ARHGEF33: variants seen among roughly 807,000 people sequenced by gnomAD.
The protein encoded by ARHGEF33 is DH and coiled-coil domain-containing protein ENSP00000381780.
ARHGEF33 carries 72 observed loss-of-function variants against 101.9 expected under a neutral mutation model. The ratio of observed to expected loss-of-function variants is 0.71; its 90% CI spans 0.58 to 0.86. The LOEUF is 0.86. ARHGEF33 is among the 40% of genes least tolerant of loss of function. The pLI is 0.00. For missense variants in ARHGEF33, 1,169 were observed against 1,111.3 expected (o/e 1.05, Z -0.74); for synonymous variants, 499 against 442.5 (o/e 1.13, Z -1.60).
chr2:38,902,100 G>A (rs1277245869), intron 2 of ARHGEF33, among the ~76,000 whole-genome samples: 1 of 147,386 alleles, frequency 6.8e-6, no homozygotes, highest in Non-Finnish European at 1.5e-5. Context: ...GGGTGACAGA[G>A]CAGCCTGGGT....
At chr2:38,938,112 C>A (rs536936210) in intron 9 of ARHGEF33, among the ~76,000 whole-genome samples, 1 of 152,084 alleles carries the variant, frequency 6.6e-6, no homozygotes, top group Non-Finnish European at 1.5e-5. Context: ...TGAAGAAGAG[C>A]GCCAACAACT....
At chr2:38,923,633 C>T (rs1010598566) in intron 4 of ARHGEF33, among the ~76,000 whole-genome samples, 1 of 152,036 alleles carries the variant, frequency 6.6e-6, no homozygotes, top group African/African-American at 2.4e-5. Context: ...AATACATATT[C>T]AATAAATATG....
At position 38,896,181 on chromosome 2, in the gene ARHGEF33, C is replaced by T. The variant is rs370511244; in HGVS notation, c.-86+332C>T. Among the ~76,000 whole-genome samples the T allele has an allele frequency of 3.9e-5, 6 of 152,154 alleles. No individual in the cohort carries two copies. In the East Asian group the frequency reaches 9.6e-4, roughly 24 times the overall value. ...GTTTTGAGATAGAGTCTTGCTCTGT[C>T]GCCCAGTAGTGCAGTGGTGTGATCT... is the stretch of plus-strand genomic sequence containing the variant. On this transcript the variant is annotated intron_variant, in intron 2 of 17. Coordinates refer to ENST00000409978, the MANE Select transcript of ARHGEF33 (RefSeq NM_001145451.5).
chr2:38,963,047 G>A (rs1667980966), intron 16 of ARHGEF33, among the ~76,000 whole-genome samples: 1 of 150,768 alleles, frequency 6.6e-6, no homozygotes, highest in Admixed American at 6.6e-5. Context: ...AAAAGGCCCT[G>A]GTTATTAGAA....
intron 11 of ARHGEF33, 76 bp from the exon 12 acceptor site, chr2:38,953,086 A>G (rs745624676): frequency 4.3e-5 from 31 of 721,800 alleles, no homozygotes; most frequent in Non-Finnish European, 7.2e-5. Flanking sequence ...CTCTTCTTTT[A>G]CATATATGAC....
At chr2:38,907,410 G>A (rs1666416026) in intron 2 of ARHGEF33, among the ~76,000 whole-genome samples, 1 of 152,098 alleles carries the variant, frequency 6.6e-6, no homozygotes, top group Admixed American at 6.6e-5. Context: ...GCTCCAAATT[G>A]GATGTCATTT....
chr2:38,909,127 T>A (rs1666455898), intron 2 of ARHGEF33, among the ~76,000 whole-genome samples: 1 of 152,044 alleles, frequency 6.6e-6, no homozygotes, highest in Admixed American at 6.6e-5. Context: ...ATGAAGGCAG[T>A]TAACTAAGGA....
chr2:38,891,236 A>C (rs1171192464), intron 1 of ARHGEF33, among the ~76,000 whole-genome samples: 2 of 152,012 alleles, frequency 1.3e-5, no homozygotes, highest in Non-Finnish European at 2.9e-5. Context: ...GCTCGGCCTT[A>C]TTGTTAACTT....
intron 2 of ARHGEF33, among the ~76,000 whole-genome samples, chr2:38,903,070 G>T (rs1572739893): frequency 6.6e-6 from 1 of 152,120 alleles, no homozygotes; most frequent in Non-Finnish European, 1.5e-5. Context: ...ATAGCTTGAG[G>T]TTCAACCTAG....
In ARHGEF33 at chr2:38,953,153, G is replaced by C. The variant is rs372443685; in HGVS notation, c.1054-9G>C. 17 of 1,400,052 alleles carry C rather than the reference G, an allele frequency of 1.2e-5. No individual in the cohort carries two copies. The African/African-American group carries it at 1.9e-4, about 15-fold the overall frequency. 86.7% of individuals were successfully genotyped at this position (1,400,052 alleles called of 1,614,324 possible). The stretch of plus-strand genomic sequence containing the variant: ...GTTCTTACCATGCATTTTTGTGTTT[G>C]TTTTAAAGAATAATTTCTTGGATTA... On this transcript the variant is annotated splice_polypyrimidine_tract_variant and intron_variant, in intron 11 of 17. Coordinates refer to ENST00000409978, the MANE Select transcript of ARHGEF33 (RefSeq NM_001145451.5).
At chr2:38,955,584 C>G (rs1667720302) in intron 13 of ARHGEF33, among the ~76,000 whole-genome samples, 1 of 146,092 alleles carries the variant, frequency 6.8e-6, no homozygotes, top group Non-Finnish European at 1.5e-5. Flanking sequence ...ACTGCAGCAT[C>G]AACCTCCCAG....
intron 7 of ARHGEF33, among the ~76,000 whole-genome samples, chr2:38,933,185 C>A (rs1188794347): frequency 6.6e-6 from 1 of 152,114 alleles, no homozygotes; most frequent in Non-Finnish European, 1.5e-5. Flanking sequence ...AGGTGCTGGC[C>A]ATGGCTGTCA....
At chr2:38,911,364 A>G (rs1458143543) in intron 2 of ARHGEF33, among the ~76,000 whole-genome samples, 2 of 152,134 alleles carry the variant, frequency 1.3e-5, no homozygotes, top group East Asian at 3.9e-4. Flanking sequence ...TCAATAAAGG[A>G]CACTGAAATG....
intron 7 of ARHGEF33, among the ~76,000 whole-genome samples, chr2:38,933,573 A>G (rs899864840): frequency 6.6e-6 from 1 of 152,038 alleles, no homozygotes; most frequent in Non-Finnish European, 1.5e-5. Flanking sequence ...TAGTAGAGAC[A>G]CGGTTTTGCC....
At chr2:38,915,581 A>T (rs916387701) in intron 2 of ARHGEF33, among the ~76,000 whole-genome samples, 5 of 150,730 alleles carry the variant, frequency 3.3e-5, no homozygotes, top group African/African-American at 1.2e-4. Context: ...CATGTTGGCC[A>T]GGCTGGTCTT....
At chr2:38,959,773 G>A (rs973445865) in intron 15 of ARHGEF33, 68 bp from the exon 16 acceptor site, 11 of 1,434,222 alleles carry the variant, frequency 7.7e-6, no homozygotes, top group African/African-American at 1.4e-5. Flanking sequence ...GAGGGGCGCC[G>A]GCAGGCGAGA....
At chr2:38,917,679 A>C (rs1174494227) in intron 2 of ARHGEF33, among the ~76,000 whole-genome samples, 2 of 151,790 alleles carry the variant, frequency 1.3e-5, no homozygotes, top group African/African-American at 4.8e-5. Context: ...AAATAAAAAA[A>C]TTAGCCAGGC....
chr2:38,940,657 A>G (rs1667280772), intron 9 of ARHGEF33, among the ~76,000 whole-genome samples: 1 of 152,110 alleles, frequency 6.6e-6, no homozygotes, highest in South Asian at 2.1e-4. Flanking sequence ...TAGTTTCCAC[A>G]TATGTAATCA....
chr2:38,931,284 G>A (rs1326357958), intron 7 of ARHGEF33, 33 bp downstream of exon 7: 11 of 1,516,736 alleles, frequency 7.3e-6, no homozygotes, highest in Non-Finnish European at 9.7e-6. Flanking sequence ...AATTAATCAA[G>A]TATTTTTTTC....
Sources: gnomAD v4.1 joint callset for allele counts (sites outside exome capture counted in the v4.1 genomes callset) on GRCh38, gnomAD v4.1.1 for gene constraint, MANE v1.5 for transcripts, NCBI Gene and HGNC (gene_info 2026-07-23, HGNC 2026-07-21) for gene names.